BRWD1: variants seen among roughly 807,000 people sequenced by gnomAD.
BRWD1 encodes bromodomain and WD repeat domain containing 1.
A neutral mutation model predicts 251.2 loss-of-function variants in BRWD1; 82 were observed. The observed-to-expected ratio is 0.33, with a 90% CI of 0.27 to 0.39. The LOEUF is 0.39. Ranked by LOEUF, BRWD1 falls within the 10% of genes least tolerant of loss-of-function variation. The pLI is 1.00. For missense variants in BRWD1, 2,233 were observed against 2,711.6 expected, an observed-to-expected ratio of 0.82 and a Z score of 3.92; for synonymous variants, 918 against 902.8, an observed-to-expected ratio of 1.02 and a Z score of -0.30.
intron 9 of BRWD1, 67 bp from the exon 10 acceptor site, chr21:39,278,880 A>C (rs2146698080): frequency 8.4e-7 from 1 of 1,184,324 alleles, no homozygotes; most frequent in Admixed American, 2.5e-5. Context: ...TTAAAATATT[A>C]GTTTTAATCT....
intron 21 of BRWD1, among the ~76,000 whole-genome samples, chr21:39,246,389 TG>T (rs1456962905): frequency 2.0e-5 from 3 of 152,200 alleles, no homozygotes; most frequent in African/African-American, 7.2e-5. Context: ...GTAGAGAAAC[TG>T]GAACTCTCAT....
Position 39,248,843 on chromosome 21 carries a change from G to A in BRWD1, c.2350-1011C>T, listed in dbSNP as rs371495330. 3.3e-4 allele frequency among the ~76,000 whole-genome samples: 50 copies of A among 151,938 alleles called. 1 individual carries two copies. The highest frequency in any genetic ancestry group is 2.7e-3 in the South Asian group (13 of 4,802). ...CTTAAAACAGAATTACCATTCCACC[G>A]AATAATCCCATTACTGGGTATATAC... On this transcript the variant is annotated intron_variant, in intron 20 of 40. Coordinates refer to ENST00000342449, the MANE Select transcript of BRWD1 (RefSeq NM_033656.4).
Position 39,185,538 on chromosome 21 carries a change from A to T in BRWD1, c.*10721T>A. The T allele has an allele frequency of 7.4e-6, 1 of 135,552 alleles. No individual in the cohort carries two copies. The allele number at this position is 135,552 out of a possible 1,614,324, so 8.4% of individuals were successfully genotyped here. On this transcript the variant is annotated 3_prime_UTR_variant, in exon 41 of 41. Transcript: ENST00000342449. ...CCCTTTCTCACCTGTGTATCAACAT[A>T]TTGGGGATCAGTAATTTAGATGAAA...
chr21:39,317,786 C>T (rs1393565248), upstream of BRWD1, among the ~76,000 whole-genome samples: 2 of 152,232 alleles, frequency 1.3e-5, no homozygotes, highest in African/African-American at 4.8e-5. Flanking sequence ...CGTAGTGGCT[C>T]TCGTCTGTGC....
At chr21:39,219,413 C>G (rs1305324455) in intron 29 of BRWD1, 1 of 150,702 alleles carries the variant, frequency 6.6e-6, no homozygotes, top group Non-Finnish European at 1.5e-5. Flanking sequence ...GGGCAAGACT[C>G]TGTCTCAAAA....
rs1415090466 is a variant in BRWD1 at position 39,274,321 on chromosome 21, G to A, written c.1244+53C>T. 33 of 1,344,392 alleles carry A rather than the reference G, an allele frequency of 2.5e-5. No homozygotes were observed. In the East Asian group the frequency reaches 5.3e-4, roughly 22 times the overall value. 83.3% of individuals were successfully genotyped at this position (1,344,392 alleles called of 1,614,324 possible). A position where few individuals can be genotyped will look rare whatever the true frequency, so the allele number is the denominator to read the frequency against. ...ACAGAGAGCGAGAGAGAGAGAGAGA[G>A]AGAGACAGATCGAACACCTATGATG... is the stretch of plus-strand genomic sequence containing the variant. On this transcript the variant is annotated intron_variant, in intron 13 of 40. Coordinates refer to ENST00000342449, the MANE Select transcript of BRWD1 (RefSeq NM_033656.4).
intron 19 of BRWD1, among the ~76,000 whole-genome samples, chr21:39,251,521 T>C (rs2034393081): frequency 6.6e-6 from 1 of 152,240 alleles, no homozygotes; most frequent in South Asian, 2.1e-4. Context: ...AAAAGATTTA[T>C]ACTGAAATCT....
In BRWD1 at chr21:39,247,680, AT is replaced by A. The variant is rs1008190829; in HGVS notation, c.2481+20del. ...AATTCATTTAAGATTATCTTATAACATTTTAAAGTTTTCCACTCACATGTCT... is the reference window on the plus strand; with the variant it reads ...AATTCATTTAAGATTATCTTATAACATTTAAAGTTTTCCACTCACATGTCT... On this transcript the variant is annotated intron_variant, in intron 21 of 40. Transcript: ENST00000342449. 8 of 1,588,434 alleles carry A rather than the reference AT, an allele frequency of 5.0e-6. No individual in the cohort carries two copies. The African/African-American group carries it at 9.5e-5, about 19-fold the overall frequency.
At chr21:39,280,763 A>T (rs747378046) in intron 8 of BRWD1, among the ~76,000 whole-genome samples, 8 of 152,240 alleles carry the variant, frequency 5.3e-5, no homozygotes, top group Non-Finnish European at 1.2e-4. Context: ...ATTGTGCAGT[A>T]ATCTGGAAAA....
chr21:39,312,450 G>A (rs536298128), intron 4 of BRWD1: 4 of 172,786 alleles, frequency 2.3e-5, no homozygotes, highest in East Asian at 1.6e-4. Context: ...AGACCCGGGC[G>A]GGGCAAGAGC....
At chr21:39,275,001 C>A (rs557814433) in intron 12 of BRWD1, among the ~76,000 whole-genome samples, 1 of 151,786 alleles carries the variant, frequency 6.6e-6, no homozygotes, top group East Asian at 1.9e-4. Flanking sequence ...GCCGAGGCTG[C>A]ACCACTGCAC....
chr21:39,207,290 C>G (rs903580689), intron 36 of BRWD1, among the ~76,000 whole-genome samples: 2 of 151,954 alleles, frequency 1.3e-5, no homozygotes, highest in Non-Finnish European at 2.9e-5. Context: ...CAATAATTAG[C>G]CGGGCATGGT....
intron 27 of BRWD1, among the ~76,000 whole-genome samples, chr21:39,227,522 C>T (rs2033430302): frequency 6.6e-6 from 1 of 152,110 alleles, no homozygotes; most frequent in East Asian, 1.9e-4. Flanking sequence ...ACAAAAATCA[C>T]ATTCGAGTAA....
intron 20 of BRWD1, among the ~76,000 whole-genome samples, chr21:39,250,224 A>C (rs369990513): frequency 3.9e-5 from 6 of 152,260 alleles, no homozygotes; most frequent in Admixed American, 3.3e-4. Flanking sequence ...ATAAGGCAAT[A>C]AGGCTTGAGA....
Position 39,186,555 on chromosome 21 carries a change from T to C in BRWD1, c.*9704A>G, listed in dbSNP as rs887359252. On this transcript the variant is annotated 3_prime_UTR_variant, in exon 41 of 41. Coordinates refer to ENST00000342449, the MANE Select transcript of BRWD1 (RefSeq NM_033656.4). ...AGAAGTCAAATAGGCCCATTAGCACTTCCTTTGGAAAAATGCCTGATTTTT... is the reference window on the plus strand; with the variant it reads ...AGAAGTCAAATAGGCCCATTAGCACCTCCTTTGGAAAAATGCCTGATTTTT... 2.0e-5 allele frequency: 3 copies of C among 152,334 alleles called. No individual in the cohort carries two copies. Among genetic ancestry groups the C allele is most frequent in the Admixed American group, 6.5e-5 (1 of 15,286 alleles). The allele number at this position is 152,334 out of a possible 1,614,324, so 9.4% of individuals were successfully genotyped here.
intron 27 of BRWD1, among the ~76,000 whole-genome samples, chr21:39,225,461 C>T (rs2033344631): frequency 6.6e-6 from 1 of 152,120 alleles, no homozygotes; most frequent in Non-Finnish European, 1.5e-5. Context: ...ACATTCATTA[C>T]AATAGAAACA....
intron 27 of BRWD1, 34 bp from the exon 28 acceptor site, chr21:39,225,231 TCTG>T (rs1195696917): frequency 7.1e-7 from 1 of 1,410,446 alleles, no homozygotes; most frequent in East Asian, 2.3e-5. Flanking sequence ...GAGGCATTTC[TCTG>T]CTAACATTCA....
Position 39,229,450 on chromosome 21 carries a change from A to AT in BRWD1, c.3001-15dup, listed in dbSNP as rs752170615. ...CAATTCTTGATCCTTTAACAGACAT[A>AT]TTTTTTAATGGTTAAAATAAAAGCA... On this transcript the variant is annotated splice_polypyrimidine_tract_variant and intron_variant, in intron 25 of 40. Coordinates refer to ENST00000342449, the MANE Select transcript of BRWD1 (RefSeq NM_033656.4). 24 of 1,593,762 alleles carry AT rather than the reference A, an allele frequency of 1.5e-5. No individual in the cohort carries two copies. The highest frequency in any genetic ancestry group is 2.0e-5 in the Non-Finnish European group (23 of 1,163,992).
Position 39,210,098 on chromosome 21 carries a change from T to C in BRWD1, c.4094A>G (p.Glu1365Gly). Residue 1365 changes from glutamate to glycine, a missense_variant, in exon 36 of 41, where the codon GAA becomes GGA. This residue lies in a region of BRWD1 where 69 missense variants were observed against 101.6 expected (regional missense o/e 0.68). Transcript: ENST00000342449. ...DTPMDFGTVR[E>G]TLDAGNYDSP... ...GTCATAATTTCCCGCATCTAGAGTT[T>C]CCCTTACTGTTCCAAAATCCATTGG... 6.2e-7 allele frequency: 1 copy of C among 1,613,234 alleles called. No homozygotes were observed. The highest frequency in any genetic ancestry group is 8.5e-7 in the Non-Finnish European group (1 of 1,179,312).
Sources: allele counts gnomAD v4.1 joint callset (sites outside exome capture counted in the v4.1 genomes callset), GRCh38; gene constraint gnomAD v4.1.1; regional missense constraint gnomAD v4.1.1; transcripts MANE v1.5; gene names NCBI Gene and HGNC (gene_info 2026-07-23, HGNC 2026-07-21).